The following GNB4 variants were observed in gnomAD, a reference collection of about 807,000 sequenced individuals.
GNB4 encodes the protein guanine nucleotide-binding protein subunit beta-4.
Under a neutral mutation model 45.2 loss-of-function variants are expected in GNB4, and 28 were observed. The observed-to-expected ratio is 0.62, with a 90% CI of 0.46 to 0.85. The LOEUF is 0.85. Among genes scored for constraint, GNB4 ranks in the 40% least tolerant of loss-of-function variants. GNB4 has a pLI of 0.00. For synonymous variants in GNB4, 132 were observed against 143.7 expected, an observed-to-expected ratio of 0.92 and a Z score of 0.58; for missense variants, 321 against 425.4, an observed-to-expected ratio of 0.75 and a Z score of 2.16.
At chr3:179,480,471 T>G in the GNB4 span, among the ~76,000 whole-genome samples, 1 of 152,148 alleles carries the variant, frequency 6.6e-6, no homozygotes, top group African/African-American at 2.4e-5. Flanking sequence ...TACTTCTCCT[T>G]CTCTCCATCA....
At chr3:179,489,418 T>C in the GNB4 span, among the ~76,000 whole-genome samples, 2 of 151,858 alleles carry the variant, frequency 1.3e-5, no homozygotes, top group Non-Finnish European at 2.9e-5. Context: ...GAGGATTGTT[T>C]GAAGCCAGGG....
At chr3:179,417,478 G>A (rs1714834182) in intron 4 of GNB4, among the ~76,000 whole-genome samples, 1 of 150,522 alleles carries the variant, frequency 6.6e-6, no homozygotes. Flanking sequence ...CACGATCTCA[G>A]CCCACTGCAA....
chr3:179,420,128 A>G, intron 3 of GNB4, among the ~76,000 whole-genome samples: 1 of 150,632 alleles, frequency 6.6e-6, no homozygotes, highest in South Asian at 2.1e-4. Flanking sequence ...ATACATAAAT[A>G]TATATAATTT....
At chr3:179,401,756 C>T (rs1197567731) in intron 9 of GNB4, among the ~76,000 whole-genome samples, 2 of 152,180 alleles carry the variant, frequency 1.3e-5, no homozygotes, top group Admixed American at 1.3e-4. Context: ...ACGACAAAAA[C>T]GTAAGAACAA....
the GNB4 span, among the ~76,000 whole-genome samples, chr3:179,468,031 T>TTTAAAAAAAA: frequency 3.0e-5 from 2 of 67,284 alleles, no homozygotes; most frequent in African/African-American, 1.2e-4. Context: ...ATTTTGTTGA[T>TTTAAAAAAAA]AAAAATATAT....
intron 1 of GNB4, among the ~76,000 whole-genome samples, chr3:179,445,545 C>G (rs1715699720): frequency 6.6e-6 from 1 of 152,126 alleles, no homozygotes; most frequent in Non-Finnish European, 1.5e-5. Flanking sequence ...CTCAGCCTCC[C>G]AAAGTACTGG....
the GNB4 span, among the ~76,000 whole-genome samples, chr3:179,470,705 A>G: frequency 6.6e-6 from 1 of 151,788 alleles, no homozygotes; most frequent in Non-Finnish European, 1.5e-5. Flanking sequence ...CCACCGCTCC[A>G]GCTAATTTTT....
At chr3:179,474,737 C>CTTTTTTTTTTTTTT in the GNB4 span, among the ~76,000 whole-genome samples, 620 of 59,770 alleles carry the variant, frequency 0.01, 23 homozygotes, top group East Asian at 0.019. Context: ...AGACTGGGTC[C>CTTTTTTTTTTTTTT]TTTTTTTTTT....
the GNB4 span, chr3:179,465,310 G>A: frequency 1.4e-6 from 2 of 1,447,604 alleles, no homozygotes; most frequent in South Asian, 1.1e-5. Flanking sequence ...TGCTAATGAA[G>A]AATACCATTA....
chr3:179,498,237 A>G, the GNB4 span, among the ~76,000 whole-genome samples: 1 of 152,234 alleles, frequency 6.6e-6, no homozygotes, highest in Non-Finnish European at 1.5e-5. Flanking sequence ...CTCAGGAAGC[A>G]GATGCTGAGA....
intron 1 of GNB4, chr3:179,437,659 C>A (rs190654991): frequency 1.3e-5 from 2 of 152,052 alleles, no homozygotes; most frequent in East Asian, 3.9e-4. Flanking sequence ...TAAGGTTTTG[C>A]CACTAAATTA....
the GNB4 span, among the ~76,000 whole-genome samples, chr3:179,491,004 A>T: frequency 2.6e-5 from 4 of 152,368 alleles, no homozygotes; most frequent in African/African-American, 9.6e-5. Flanking sequence ...ATGAAAAAAG[A>T]CGATCAATGG....
chr3:179,420,773 G>A (rs1714956370), intron 3 of GNB4, 116 bp downstream of exon 3: 1 of 712,174 alleles, frequency 1.4e-6, no homozygotes, highest in Non-Finnish European at 2.5e-6. Flanking sequence ...TTTACACAGA[G>A]ATTTCATTTA....
At chr3:179,406,149 T>C (rs1714464654) in intron 8 of GNB4, among the ~76,000 whole-genome samples, 1 of 152,216 alleles carries the variant, frequency 6.6e-6, no homozygotes, top group East Asian at 1.9e-4. Context: ...CGGTTAATAG[T>C]AATATAGTAA....
the GNB4 span, among the ~76,000 whole-genome samples, chr3:179,508,940 A>G: frequency 1.4e-5 from 2 of 144,142 alleles, 1 homozygote; most frequent in African/African-American, 5.2e-5. Context: ...GTGTATATAT[A>G]TATATATATA....
the GNB4 span, among the ~76,000 whole-genome samples, chr3:179,474,282 T>C: frequency 6.6e-6 from 1 of 152,170 alleles, no homozygotes; most frequent in Non-Finnish European, 1.5e-5. Flanking sequence ...TAGAGTGCAG[T>C]AGCACGTCTC....
At chr3:179,446,052 C>A (rs530970716) in intron 1 of GNB4, among the ~76,000 whole-genome samples, 2 of 152,198 alleles carry the variant, frequency 1.3e-5, no homozygotes, top group Non-Finnish European at 2.9e-5. Flanking sequence ...TAAAATAACA[C>A]ATCTTTCAGC....
intron 1 of GNB4, among the ~76,000 whole-genome samples, chr3:179,435,036 A>C (rs1249449116): frequency 1.3e-5 from 2 of 152,206 alleles, no homozygotes; most frequent in African/African-American, 2.4e-5. Flanking sequence ...ACTGGGAACA[A>C]TAAAATAAAT....
chr3:179,403,517 G>A (rs1714368483), intron 9 of GNB4, among the ~76,000 whole-genome samples: 1 of 152,140 alleles, frequency 6.6e-6, no homozygotes. Flanking sequence ...GTCAGGCCGG[G>A]CGCAGTGGCT....
Sources: allele counts gnomAD v4.1 joint callset (sites outside exome capture counted in the v4.1 genomes callset), GRCh38; gene constraint gnomAD v4.1.1; transcripts MANE v1.5; gene names NCBI Gene and HGNC (gene_info 2026-07-23, HGNC 2026-07-21).